The following UMAD1 variants were observed in gnomAD, a reference collection of about 807,000 sequenced individuals.
UMAD1 encodes the protein UBAP1-MVB12-associated (UMA) domain containing 1.
Under a neutral mutation model 6.1 loss-of-function variants are expected in UMAD1, and 8 were observed. The ratio of observed to expected loss-of-function variants is 1.30; its 90% CI spans 0.76 to 2.35. The LOEUF (loss-of-function observed/expected upper bound fraction) is 2.35. UMAD1 is among the 30% of genes most tolerant of loss of function. UMAD1 has a pLI of 0.00. For missense variants in UMAD1, 130 were observed against 78.4 expected (o/e 1.66, Z -2.49); for synonymous variants, 56 against 31.4 (o/e 1.78, Z -2.61).
At chr7:7,798,488 T>G (rs1548834) in intron 2 of UMAD1, among the ~76,000 whole-genome samples, 49,889 of 152,032 alleles carry the variant, frequency 0.33, 8,352 homozygotes, top group East Asian at 0.43. Context: ...AAGAATAAAG[T>G]CTTGCATCAG....
intron 2 of UMAD1, among the ~76,000 whole-genome samples, chr7:7,675,440 T>C (rs565082990): frequency 6.6e-6 from 1 of 152,166 alleles, no homozygotes; most frequent in Non-Finnish European, 1.5e-5. Flanking sequence ...GACATTCCAT[T>C]GCATGTCTTG....
intron 1 of UMAD1, among the ~76,000 whole-genome samples, chr7:7,656,514 T>C (rs1191715085): frequency 6.6e-6 from 1 of 152,186 alleles, no homozygotes; most frequent in Non-Finnish European, 1.5e-5. Context: ...CCCCTCCCTG[T>C]GTCCATGTGT....
chr7:7,863,030 A>ATT, intron 3 of UMAD1, among the ~76,000 whole-genome samples: 1 of 151,748 alleles, frequency 6.6e-6, no homozygotes, highest in Middle Eastern at 3.4e-3. Flanking sequence ...AAAAAAAAAG[A>ATT]AATCAGCTTG....
At chr7:7,812,843 A>G (rs1783047697) in intron 3 of UMAD1, among the ~76,000 whole-genome samples, 1 of 151,238 alleles carries the variant, frequency 6.6e-6, no homozygotes, top group Non-Finnish European at 1.5e-5. Flanking sequence ...TTAGTGGCAA[A>G]TGGTCCTTAT....
chr7:7,655,679 A>G (rs909551067), intron 1 of UMAD1, among the ~76,000 whole-genome samples: 2 of 152,244 alleles, frequency 1.3e-5, no homozygotes, highest in Non-Finnish European at 2.9e-5. Flanking sequence ...TGGATGCTAT[A>G]TATGTGTATG....
chr7:7,804,679 T>C (rs1782871820), intron 3 of UMAD1, among the ~76,000 whole-genome samples: 1 of 149,476 alleles, frequency 6.7e-6, no homozygotes, highest in South Asian at 2.1e-4. Context: ...TCTCCAAAAA[T>C]AAAATAAAAT....
intron 2 of UMAD1, among the ~76,000 whole-genome samples, chr7:7,755,241 T>C (rs1239228266): frequency 6.6e-6 from 1 of 152,188 alleles, no homozygotes; most frequent in Non-Finnish European, 1.5e-5. Context: ...AAATTTAAGG[T>C]CTTGTTTAGT....
At chr7:7,656,735 G>C (rs1484285176) in intron 1 of UMAD1, among the ~76,000 whole-genome samples, 1 of 152,126 alleles carries the variant, frequency 6.6e-6, no homozygotes, top group African/African-American at 2.4e-5. Context: ...ATTTGGTTTG[G>C]TTCCAAGTCT....
intron 2 of UMAD1, among the ~76,000 whole-genome samples, chr7:7,709,202 G>A (rs1563142730): frequency 6.6e-6 from 1 of 152,154 alleles, no homozygotes; most frequent in East Asian, 1.9e-4. Context: ...CTATCTGTGT[G>A]CTGAGATTTA....
chr7:7,713,447 G>T (rs1780816104), intron 2 of UMAD1, among the ~76,000 whole-genome samples: 1 of 150,828 alleles, frequency 6.6e-6, no homozygotes, highest in Non-Finnish European at 1.5e-5. Flanking sequence ...TAATCTCTGG[G>T]ATTTTCATTA....
At chr7:7,831,665 G>C (rs1783469520) in intron 3 of UMAD1, among the ~76,000 whole-genome samples, 2 of 152,130 alleles carry the variant, frequency 1.3e-5, no homozygotes, top group African/African-American at 4.8e-5. Context: ...GTGGCTTTTT[G>C]ACAATTACCT....
chr7:7,716,878 GGAGCA>G (rs1383795750), intron 2 of UMAD1, among the ~76,000 whole-genome samples: 1 of 152,006 alleles, frequency 6.6e-6, no homozygotes, highest in Non-Finnish European at 1.5e-5. Context: ...CCTGGGAGGC[GGAGCA>G]TGCTATGTAA....
intron 3 of UMAD1, among the ~76,000 whole-genome samples, chr7:7,859,491 A>G (rs572720502): frequency 6.6e-6 from 1 of 152,306 alleles, no homozygotes; most frequent in African/African-American, 2.4e-5. Flanking sequence ...TGATTTAAGT[A>G]CTATTTCCTT....
intron 3 of UMAD1, among the ~76,000 whole-genome samples, chr7:7,843,688 T>C (rs1213018936): frequency 1.3e-5 from 2 of 152,150 alleles, no homozygotes; most frequent in Non-Finnish European, 2.9e-5. Flanking sequence ...AAAAAAGAGT[T>C]GTAACAAAAG....
intron 3 of UMAD1, among the ~76,000 whole-genome samples, chr7:7,828,796 A>G (rs111711479): frequency 0.054 from 8,259 of 152,046 alleles, 269 homozygotes; most frequent in Middle Eastern, 0.12. Context: ...TCTCCCCACT[A>G]CTTAGGAATT....
chr7:7,719,215 G>A (rs998516910), intron 2 of UMAD1, among the ~76,000 whole-genome samples: 2 of 152,150 alleles, frequency 1.3e-5, no homozygotes, highest in Admixed American at 6.5e-5. Flanking sequence ...CAAGCTTTAG[G>A]AGAGGATAAC....
intron 3 of UMAD1, among the ~76,000 whole-genome samples, chr7:7,839,597 ACAATAG>A (rs1291388252): frequency 1.3e-5 from 2 of 152,202 alleles, no homozygotes; most frequent in Non-Finnish European, 2.9e-5. Context: ...AATAGGACTT[ACAATAG>A]CATGTTCGAA....
intron 2 of UMAD1, among the ~76,000 whole-genome samples, chr7:7,699,699 T>C (rs1042689282): frequency 2.0e-5 from 3 of 152,226 alleles, no homozygotes; most frequent in Non-Finnish European, 4.4e-5. Context: ...AGGGCAGATA[T>C]ATTTTTCAAT....
intron 2 of UMAD1, among the ~76,000 whole-genome samples, chr7:7,687,818 G>A (rs1780075881): frequency 6.6e-6 from 1 of 152,154 alleles, no homozygotes; most frequent in Non-Finnish European, 1.5e-5. Flanking sequence ...CTGATTTAAA[G>A]GAGTAATTGC....
Sources: gnomAD v4.1 joint callset for allele counts (sites outside exome capture counted in the v4.1 genomes callset) on GRCh38, gnomAD v4.1.1 for gene constraint, MANE v1.5 for transcripts, NCBI Gene and HGNC (gene_info 2026-07-23, HGNC 2026-07-21) for gene names.